MKLN1: variants seen among roughly 807,000 people sequenced by gnomAD.
The protein encoded by MKLN1 is muskelin.
MKLN1 carries 18 observed loss-of-function variants against 99.0 expected under a neutral mutation model. The observed-to-expected ratio is 0.18, with a 90% CI of 0.13 to 0.27. The LOEUF is 0.27. Among genes scored for constraint, MKLN1 ranks in the 10% least tolerant of loss-of-function variants. The pLI, the probability that MKLN1 is intolerant of heterozygous loss-of-function variation, is 1.00. For synonymous variants in MKLN1, 288 were observed against 293.2 expected (o/e 0.98, Z 0.18); for missense variants, 621 against 875.9 (o/e 0.71, Z 3.67).
At chr7:131,448,215 G>A (rs1055593158) in intron 12 of MKLN1, among the ~76,000 whole-genome samples, 1 of 152,112 alleles carries the variant, frequency 6.6e-6, no homozygotes, top group Non-Finnish European at 1.5e-5. Context: ...GCGACAGAGC[G>A]AGACTCTGTC....
At chr7:131,328,288 T>G (rs1467373397) in intron 1 of MKLN1, 1 of 378,460 alleles carries the variant, frequency 2.6e-6, no homozygotes, top group Non-Finnish European at 4.9e-6. Flanking sequence ...ATTTGGGGGT[T>G]GAGGTTGAGG....
chr7:131,256,188 G>A (rs889884835), intron 3 of MKLN1, among the ~76,000 whole-genome samples: 4 of 152,146 alleles, frequency 2.6e-5, no homozygotes, highest in African/African-American at 9.7e-5. Context: ...TTATAGGTGT[G>A]AGCCACCATT....
intron 6 of MKLN1, among the ~76,000 whole-genome samples, chr7:131,406,976 AT>A (rs766825423): frequency 2.0e-5 from 3 of 151,934 alleles, no homozygotes; most frequent in Non-Finnish European, 2.9e-5. Context: ...CCTGTTAACT[AT>A]TGTCTATTTT....
At chr7:131,232,483 C>G (rs1328416041) in intron 3 of MKLN1, among the ~76,000 whole-genome samples, 1 of 152,078 alleles carries the variant, frequency 6.6e-6, no homozygotes, top group Non-Finnish European at 1.5e-5. Context: ...GCTTGGCAAC[C>G]AGGTCTCAGA....
chr7:131,149,780 C>A (rs575932036), intron 2 of MKLN1, among the ~76,000 whole-genome samples: 135 of 152,104 alleles, frequency 8.9e-4, no homozygotes, highest in Non-Finnish European at 1.6e-3. Flanking sequence ...GTTTTTAATT[C>A]TTAACTTTGA....
intron 2 of MKLN1, among the ~76,000 whole-genome samples, chr7:131,161,449 CTTT>C (rs933296343): frequency 1.3e-5 from 2 of 152,202 alleles, no homozygotes; most frequent in Non-Finnish European, 2.9e-5. Context: ...AAATCCAAAA[CTTT>C]TTGAGGACTA....
At chr7:131,445,178 TAC>T (rs1217460674) in intron 11 of MKLN1, among the ~76,000 whole-genome samples, 4 of 152,208 alleles carry the variant, frequency 2.6e-5, no homozygotes, top group Non-Finnish European at 5.9e-5. Context: ...TATCTTTATA[TAC>T]AGATAGGTTT....
rs764214420 is a variant in MKLN1, at chr7:131,217,377, G to A, written c.-179+14403G>A. On this transcript the variant is annotated intron_variant, in intron 3 of 7. Transcript: ENST00000416992. The stretch of plus-strand genomic sequence containing the variant: ...GTGCAACTAAAAATCCAGTTGGGCC[G>A]ATTGTTGGGCAAATAAATCATCCAA... Among the ~76,000 whole-genome samples, 17 of 152,310 alleles carry A rather than the reference G, an allele frequency of 1.1e-4. No homozygotes were observed. In the South Asian group the frequency reaches 1.9e-3, roughly 17 times the overall value.
intron 3 of MKLN1, among the ~76,000 whole-genome samples, chr7:131,308,867 G>A (rs1389344765): frequency 1.3e-5 from 2 of 152,216 alleles, no homozygotes; most frequent in Non-Finnish European, 2.9e-5. Context: ...TTACAGGCGT[G>A]AGCCACCATG....
chr7:131,404,208 G>A (rs918589981), intron 6 of MKLN1, among the ~76,000 whole-genome samples: 2 of 152,104 alleles, frequency 1.3e-5, no homozygotes, highest in African/African-American at 4.8e-5. Context: ...TGGTATGTTT[G>A]GGTACTTCCA....
In MKLN1 at chr7:131,224,839, C is replaced by T. The variant is rs959499169; in HGVS notation, c.-179+21865C>T. ...CTGTAATCCCAGCACTTTGGGGGGC[C>T]GAGGTGGGCAGATCATGAGGTCAGG... is the stretch of plus-strand genomic sequence containing the variant. On this transcript the variant is annotated intron_variant, in intron 3 of 7. Coordinates refer to the MKLN1 transcript ENST00000416992. Among the ~76,000 whole-genome samples, 13 of 151,834 alleles carry T rather than the reference C, an allele frequency of 8.6e-5. No individual in the cohort carries two copies. In the East Asian group the frequency reaches 2.1e-3, roughly 25 times the overall value.
chr7:131,422,994 C>T (rs1189205800), intron 8 of MKLN1, among the ~76,000 whole-genome samples: 1 of 152,048 alleles, frequency 6.6e-6, no homozygotes, highest in Admixed American at 6.5e-5. Flanking sequence ...ACTTGGGTTT[C>T]GACTGGGAAA....
chr7:131,242,914 A>C, intron 3 of MKLN1: 1 of 662,426 alleles, frequency 1.5e-6, no homozygotes, highest in African/African-American at 1.8e-5. Context: ...ACTCTTAAAC[A>C]CAAGGCCCGA....
intron 3 of MKLN1, among the ~76,000 whole-genome samples, chr7:131,230,120 T>C (rs2116472568): frequency 6.6e-6 from 1 of 152,334 alleles, no homozygotes; most frequent in East Asian, 1.9e-4. Context: ...GGGTGTGACT[T>C]AACCCTTGCC....
At chr7:131,119,179 T>C (rs928214579) in intron 1 of MKLN1, among the ~76,000 whole-genome samples, 1 of 152,214 alleles carries the variant, frequency 6.6e-6, no homozygotes, top group Non-Finnish European at 1.5e-5. Flanking sequence ...CATTCCAAAA[T>C]GGAGAAATTG....
intron 1 of MKLN1, among the ~76,000 whole-genome samples, chr7:131,355,565 C>G (rs556912050): frequency 6.7e-6 from 1 of 149,872 alleles, no homozygotes; most frequent in Admixed American, 6.6e-5. Context: ...TCTTCTCTTG[C>G]ATTATATCTT....
chr7:131,465,543 ATT>A (rs1000383017), intron 14 of MKLN1, among the ~76,000 whole-genome samples: 1 of 147,636 alleles, frequency 6.8e-6, no homozygotes, highest in Non-Finnish European at 1.5e-5. Flanking sequence ...AGATGTTAAA[ATT>A]TTTTTTTTTT....
intron 2 of MKLN1, among the ~76,000 whole-genome samples, chr7:131,195,928 G>A (rs1679846749): frequency 6.6e-6 from 1 of 152,162 alleles, no homozygotes; most frequent in Admixed American, 6.5e-5. Flanking sequence ...TCAGCCTGGA[G>A]ACAGAGCTAG....
chr7:131,116,313 G>A (rs1795277576), intron 1 of MKLN1, among the ~76,000 whole-genome samples: 1 of 152,016 alleles, frequency 6.6e-6, no homozygotes. Context: ...ATGATTACTA[G>A]GATTTTAAGA....
Sources: allele counts gnomAD v4.1 joint callset (sites outside exome capture counted in the v4.1 genomes callset), GRCh38; gene constraint gnomAD v4.1.1; transcripts MANE v1.5; gene names NCBI Gene and HGNC (gene_info 2026-07-23, HGNC 2026-07-21).